The following DAB2IP variants were observed in gnomAD, a reference collection of about 807,000 sequenced individuals.
The protein encoded by DAB2IP is disabled homolog 2-interacting protein.
A neutral mutation model predicts 107.2 loss-of-function variants in DAB2IP; 28 were observed. The observed-to-expected ratio is 0.26, with a 90% CI of 0.19 to 0.36. The LOEUF is 0.36. Among genes scored for constraint, DAB2IP ranks in the 10% least tolerant of loss-of-function variants. The pLI is 1.00. For synonymous variants in DAB2IP, 755 were observed against 706.4 expected, an observed-to-expected ratio of 1.07 and a Z score of -1.09; for missense variants, 1,400 against 1,644.7, an observed-to-expected ratio of 0.85 and a Z score of 2.57.
intron 3 of DAB2IP, among the ~76,000 whole-genome samples, chr9:121,749,729 G>A (rs1370863609): frequency 1.3e-5 from 2 of 152,182 alleles, no homozygotes; most frequent in Non-Finnish European, 2.9e-5. Flanking sequence ...GCTTTTTAAA[G>A]AAATTTGAGG....
rs1835648175 is a variant in DAB2IP, at chr9:121,781,552, G to C, written c.3402+1G>C. 6.2e-7 allele frequency: 1 copy of C among 1,613,620 alleles called. No homozygotes were observed. The highest frequency in any genetic ancestry group is 8.5e-7 in the Non-Finnish European group (1 of 1,179,954). ...CAAACAGAAGATCATTGATGCCCAG[G>C]TGGGGGCTCCGGCCCTTTGGTCAGC... On this transcript the variant is annotated splice_donor_variant, in intron 15 of 15. Transcript: ENST00000408936. LOFTEE classifies it high-confidence loss of function.
At chr9:121,732,771 C>A (rs1244180247) in intron 3 of DAB2IP, among the ~76,000 whole-genome samples, 2 of 152,196 alleles carry the variant, frequency 1.3e-5, no homozygotes, top group Admixed American at 1.3e-4. Flanking sequence ...TGAGCTTGGG[C>A]AACTTTTCCA....
intron 1 of DAB2IP, among the ~76,000 whole-genome samples, chr9:121,657,356 CTTGCCT>C (rs925755643): frequency 6.6e-6 from 1 of 152,218 alleles, no homozygotes; most frequent in Non-Finnish European, 1.5e-5. Flanking sequence ...GCCTCTTGCC[CTTGCCT>C]TTGTCCTTCC....
chr9:121,738,933 A>G (rs767851340), intron 3 of DAB2IP, among the ~76,000 whole-genome samples: 4 of 152,252 alleles, frequency 2.6e-5, no homozygotes, highest in Non-Finnish European at 5.9e-5. Context: ...ATAAGCAGAG[A>G]AACAAAGTGA....
At chr9:121,606,355 T>G (rs1830870338) in intron 1 of DAB2IP, among the ~76,000 whole-genome samples, 1 of 143,816 alleles carries the variant, frequency 7.0e-6, no homozygotes, top group East Asian at 1.9e-4. Context: ...CAGAGTGAGA[T>G]TCTGTCTCAA....
intron 3 of DAB2IP, among the ~76,000 whole-genome samples, chr9:121,705,402 C>T (rs1318535276): frequency 6.6e-6 from 1 of 152,190 alleles, no homozygotes; most frequent in East Asian, 1.9e-4. Context: ...TGGGGTGAGA[C>T]TGTATAAAGT....
chr9:121,781,220 T>TCC (rs1835613976), intron 14 of DAB2IP, among the ~76,000 whole-genome samples: 1 of 152,108 alleles, frequency 6.6e-6, no homozygotes, highest in East Asian at 1.9e-4. Flanking sequence ...CCCGGGGGCC[T>TCC]CTGGGGCTTT....
At chr9:121,727,593 A>G (rs1227836100) in intron 3 of DAB2IP, among the ~76,000 whole-genome samples, 2 of 152,188 alleles carry the variant, frequency 1.3e-5, no homozygotes, top group Non-Finnish European at 2.9e-5. Flanking sequence ...TGGCGGAGCA[A>G]GAAAGAGACT....
chr9:121,710,943 C>T (rs549690798), intron 3 of DAB2IP, among the ~76,000 whole-genome samples: 43 of 152,204 alleles, frequency 2.8e-4, no homozygotes, highest in Non-Finnish European at 5.4e-4. Flanking sequence ...GATGTTCTGC[C>T]CGGAGCCCAT....
At chr9:121,757,495 G>GATT (rs1564204937) in intron 4 of DAB2IP, among the ~76,000 whole-genome samples, 1 of 150,656 alleles carries the variant, frequency 6.6e-6, no homozygotes, top group Admixed American at 6.6e-5. Context: ...ATGTCTTAGA[G>GATT]CCTGCTCACC....
At chr9:121,749,056 G>C (rs1351961820) in intron 3 of DAB2IP, among the ~76,000 whole-genome samples, 4 of 152,222 alleles carry the variant, frequency 2.6e-5, no homozygotes, top group African/African-American at 9.6e-5. Flanking sequence ...AGGCAGGGCA[G>C]CCAACCTTTC....
At position 121,632,516 on chromosome 9, in the gene DAB2IP, T is replaced by TG. The variant is rs1463235627; in HGVS notation, c.41-46158dup. ...TCTCTTCCCTGCTGACCCTAAGGGC[T>TG]GGGGCCAGGACACCCCCTCCCCTGC... On this transcript the variant is annotated intron_variant, in intron 1 of 16. Transcript: ENST00000259371. 2.0e-5 allele frequency among the ~76,000 whole-genome samples: 3 copies of TG among 152,128 alleles called. No individual in the cohort carries two copies. In the East Asian group the frequency reaches 5.8e-4, roughly 29 times the overall value.
chr9:121,608,197 G>T (rs1830951144), intron 1 of DAB2IP, among the ~76,000 whole-genome samples: 1 of 152,202 alleles, frequency 6.6e-6, no homozygotes, highest in African/African-American at 2.4e-5. Context: ...CACTTGAGTG[G>T]CTCGGCAGCC....
intron 2 of DAB2IP, among the ~76,000 whole-genome samples, chr9:121,678,998 G>C (rs1828430801): frequency 6.6e-6 from 1 of 152,196 alleles, no homozygotes; most frequent in Non-Finnish European, 1.5e-5. Context: ...ATCCTGAGAG[G>C]GAGGGGGCAG....
intron 3 of DAB2IP, among the ~76,000 whole-genome samples, chr9:121,714,923 T>A (rs1830514994): frequency 6.6e-6 from 1 of 152,246 alleles, no homozygotes; most frequent in African/African-American, 2.4e-5. Context: ...TAGGAGGGGC[T>A]GCCACGGGAC....
At chr9:121,687,833 G>A (rs893883462) in intron 2 of DAB2IP, among the ~76,000 whole-genome samples, 1 of 152,170 alleles carries the variant, frequency 6.6e-6, no homozygotes, top group African/African-American at 2.4e-5. Context: ...TTCTCACAGC[G>A]CCTGGACCAT....
chr9:121,585,139 A>G (rs1197424875), intron 1 of DAB2IP, among the ~76,000 whole-genome samples: 1 of 152,146 alleles, frequency 6.6e-6, no homozygotes, highest in East Asian at 1.9e-4. Context: ...CACTGCATTG[A>G]ACTTGGCCAA....
rs1835182086 is a variant in DAB2IP at position 121,776,124 on chromosome 9, CT to C, written c.3121-73del. ...CAAGTGGGGCTCCCTCCTACCCTTC[CT>C]CCCACTCGGGCTGACGAAGCTGTGC... On this transcript the variant is annotated intron_variant, in intron 13 of 15. Coordinates refer to ENST00000408936, the Ensembl canonical transcript of DAB2IP. This position sits in a 1 kb window ranked among gnomAD's most constrained non-coding sequence, Gnocchi z 5.4. 1 of 1,514,864 alleles carries C rather than the reference CT, an allele frequency of 6.6e-7. No individual in the cohort carries two copies. The highest frequency in any genetic ancestry group is 1.2e-5 in the South Asian group (1 of 80,392). The allele number at this position is 1,514,864 out of a possible 1,614,324, so 93.8% of individuals were successfully genotyped here.
chr9:121,725,162 T>C (rs974039352), intron 3 of DAB2IP, among the ~76,000 whole-genome samples: 2 of 152,158 alleles, frequency 1.3e-5, no homozygotes, highest in African/African-American at 4.8e-5. Flanking sequence ...TGAGTGTGTG[T>C]GCGCGCGTGT....
Sources: allele counts gnomAD v4.1 joint callset (sites outside exome capture counted in the v4.1 genomes callset), GRCh38; gene constraint gnomAD v4.1.1; non-coding constraint Gnocchi (gnomAD v3.1); transcripts MANE v1.5; gene names NCBI Gene and HGNC (gene_info 2026-07-23, HGNC 2026-07-21).